REDIC1: variants seen among roughly 807,000 people sequenced by gnomAD.
The protein encoded by REDIC1 is regulator of DNA class I crossover intermediates 1.
chr12:39,869,741 G>A, the REDIC1 span, among the ~76,000 whole-genome samples: 1 of 152,154 alleles, frequency 6.6e-6, no homozygotes, highest in Non-Finnish European at 1.5e-5. Context: ...CATGACATAG[G>A]CCAGAAGAGT....
chr12:39,688,844 G>A, the REDIC1 span, among the ~76,000 whole-genome samples: 1 of 152,190 alleles, frequency 6.6e-6, no homozygotes, highest in Non-Finnish European at 1.5e-5. Flanking sequence ...AATTGAGAAA[G>A]ACCTAGATTT....
the REDIC1 span, among the ~76,000 whole-genome samples, chr12:39,702,381 C>T: frequency 6.6e-6 from 1 of 152,122 alleles, no homozygotes; most frequent in Non-Finnish European, 1.5e-5. Context: ...AAGACTAAAC[C>T]AGGAAGAAGT....
At chr12:39,712,814 T>TAG in the REDIC1 span, among the ~76,000 whole-genome samples, 3 of 53,024 alleles carry the variant, frequency 5.7e-5, no homozygotes, top group African/African-American at 9.4e-5. Flanking sequence ...TATACTCGTA[T>TAG]ACATGTGTGT....
chr12:39,678,318 T>C, the REDIC1 span, among the ~76,000 whole-genome samples: 7 of 151,840 alleles, frequency 4.6e-5, no homozygotes, highest in Non-Finnish European at 8.8e-5. Flanking sequence ...CCTTTACACA[T>C]ACAAATTAGA....
chr12:39,783,441 A>G, the REDIC1 span, among the ~76,000 whole-genome samples: 1 of 152,188 alleles, frequency 6.6e-6, no homozygotes, highest in South Asian at 2.1e-4. Flanking sequence ...CTGAGGAATC[A>G]CCACACTGTC....
the REDIC1 span, among the ~76,000 whole-genome samples, chr12:39,748,709 A>G: frequency 6.6e-6 from 1 of 152,248 alleles, no homozygotes; most frequent in African/African-American, 2.4e-5. Context: ...CAGAAACTAT[A>G]ACAAATGGTC....
the REDIC1 span, among the ~76,000 whole-genome samples, chr12:39,765,837 T>C: frequency 1.3e-5 from 2 of 152,086 alleles, no homozygotes; most frequent in Non-Finnish European, 2.9e-5. Flanking sequence ...CACCTAGGTA[T>C]TAAGCCCCAT....
the REDIC1 span, among the ~76,000 whole-genome samples, chr12:39,769,335 T>C: frequency 6.6e-6 from 1 of 152,068 alleles, no homozygotes. Context: ...TCAATTTCAG[T>C]TGAGAAAAAT....
At chr12:39,678,969 A>G in the REDIC1 span, among the ~76,000 whole-genome samples, 3 of 152,200 alleles carry the variant, frequency 2.0e-5, no homozygotes, top group Admixed American at 6.5e-5. Flanking sequence ...AAAGCCATCT[A>G]TGACACACCC....
the REDIC1 span, chr12:39,640,830 A>C: frequency 3.5e-6 from 2 of 567,138 alleles, no homozygotes; most frequent in East Asian, 6.1e-5. Context: ...GTTTCTTTTC[A>C]GAAAAAATGC....
the REDIC1 span, among the ~76,000 whole-genome samples, chr12:39,637,171 A>G: frequency 6.6e-6 from 1 of 151,932 alleles, no homozygotes; most frequent in African/African-American, 2.4e-5. Context: ...GAATAAAGTA[A>G]CAAATATTTA....
the REDIC1 span, among the ~76,000 whole-genome samples, chr12:39,652,531 T>C: frequency 6.6e-6 from 1 of 152,266 alleles, no homozygotes; most frequent in South Asian, 2.1e-4. Flanking sequence ...GTGACTCTGG[T>C]GAAATGTTTA....
At chr12:39,682,720 A>G in the REDIC1 span, 97 of 1,613,348 alleles carry the variant, frequency 6.0e-5, no homozygotes, top group South Asian at 9.3e-4. Context: ...AAAACACTCA[A>G]TACAGCATAT....
the REDIC1 span, among the ~76,000 whole-genome samples, chr12:39,784,648 T>C: frequency 6.6e-6 from 1 of 152,122 alleles, no homozygotes; most frequent in Non-Finnish European, 1.5e-5. Context: ...GCAATACCAT[T>C]GAGGACATAG....
chr12:39,722,543 A>G, the REDIC1 span, among the ~76,000 whole-genome samples: 1 of 152,190 alleles, frequency 6.6e-6, no homozygotes, highest in Non-Finnish European at 1.5e-5. Flanking sequence ...TAATGATGAC[A>G]GTAGAATAAA....
At chr12:39,840,671 C>T in the REDIC1 span, among the ~76,000 whole-genome samples, 2 of 152,118 alleles carry the variant, frequency 1.3e-5, no homozygotes, top group South Asian at 4.2e-4. Flanking sequence ...CTGACCCCAG[C>T]AGAATCAGAG....
chr12:39,716,965 C>G, the REDIC1 span: 3 of 548,496 alleles, frequency 5.5e-6, no homozygotes, highest in Admixed American at 9.0e-5. Flanking sequence ...TTAATATAAA[C>G]AAAAAGGTAA....
chr12:39,706,513 A>G, the REDIC1 span, among the ~76,000 whole-genome samples: 1 of 152,090 alleles, frequency 6.6e-6, no homozygotes, highest in African/African-American at 2.4e-5. Flanking sequence ...TCCTAAGCAA[A>G]ACAAACAAAA....
the REDIC1 span, among the ~76,000 whole-genome samples, chr12:39,664,432 T>G: frequency 6.6e-6 from 1 of 152,170 alleles, no homozygotes; most frequent in South Asian, 2.1e-4. Context: ...TGCATAGTAT[T>G]CCATGGTGTA....
Sources: allele counts gnomAD v4.1 joint callset (sites outside exome capture counted in the v4.1 genomes callset), GRCh38; gene constraint gnomAD v4.1.1; transcripts MANE v1.5; gene names NCBI Gene and HGNC (gene_info 2026-07-23, HGNC 2026-07-21).